The following DNAI3 variants were observed in gnomAD, a reference collection of about 807,000 sequenced individuals.
DNAI3 encodes dynein axonemal intermediate chain 3.
In DNAI3, 83 loss-of-function variants were observed where a neutral mutation model predicts 115.5. The ratio of observed to expected loss-of-function variants is 0.72; its 90% CI spans 0.60 to 0.86. DNAI3 has a LOEUF of 0.86. Among genes scored for constraint, DNAI3 ranks in the 40% least tolerant of loss-of-function variants. The pLI is 0.00. For synonymous variants in DNAI3, 320 were observed against 347.0 expected (o/e 0.92, Z 0.86); for missense variants, 1,004 against 1,075.8 (o/e 0.93, Z 0.93).
At chr1:85,098,321 A>T (rs1191378713) in intron 12 of DNAI3, among the ~76,000 whole-genome samples, 2 of 152,230 alleles carry the variant, frequency 1.3e-5, no homozygotes, top group Non-Finnish European at 2.9e-5. Context: ...ATACTTGTTA[A>T]GTTTAGAGAA....
At chr1:85,104,660 C>T in intron 14 of DNAI3, 63 bp downstream of exon 14, 2 of 1,350,552 alleles carry the variant, frequency 1.5e-6, no homozygotes, top group Non-Finnish European at 2.1e-6. Flanking sequence ...CTTCGATGCT[C>T]CTAAAATCAG....
intron 14 of DNAI3, 121 bp from the exon 15 acceptor site, chr1:85,107,912 G>T: frequency 1.5e-6 from 1 of 678,848 alleles, no homozygotes; most frequent in East Asian, 3.1e-5. Context: ...AAAAATCTTA[G>T]TTTCAGATAC....
intron 15 of DNAI3, 141 bp downstream of exon 15, chr1:85,108,318 A>T (rs1655551890): frequency 1.3e-5 from 12 of 918,736 alleles, no homozygotes; most frequent in Non-Finnish European, 1.8e-5. Context: ...TGTTTATTCA[A>T]CCAATAAATT....
intron 1 of DNAI3, among the ~76,000 whole-genome samples, chr1:85,071,395 A>G (rs1257560716): frequency 6.6e-6 from 1 of 152,232 alleles, no homozygotes; most frequent in Non-Finnish European, 1.5e-5. Context: ...TTTTGGAGGC[A>G]TTCTCTCTGA....
At position 85,098,644 on chromosome 1, in the gene DNAI3, T is replaced by C. The variant is rs529373514; in HGVS notation, c.1465T>C (p.Ser489Pro). ...AGTAATTACAGATATACACTGGTTGTCTGACACATTTGAGGTGAGACTTGA... is the reference window on the plus strand; with the variant it reads ...AGTAATTACAGATATACACTGGTTGCCTGACACATTTGAGGTGAGACTTGA... The part of the protein sequence containing the change: ...KKVITDIHWL[S>P]DTFEINRMGS... The change falls in exon 13 of 23, where the codon TCT becomes CCT. Residue 489 changes from serine to proline, a missense_variant. Ser to Pro is a moderately conservative substitution (Grantham distance 74, BLOSUM62 -1). Transcript: ENST00000294664. 12 of 1,613,000 alleles carry C rather than the reference T, an allele frequency of 7.4e-6. No homozygotes were observed. In the South Asian group the frequency reaches 1.2e-4, roughly 16 times the overall value.
In DNAI3 at chr1:85,126,718, A is replaced by G; in HGVS notation, c.2317+3A>G. ...CATCAAACCCTGGATCTTTTCTTGT[A>G]TGTTAATTCTAACTAAATAAGCTAA... is the stretch of plus-strand genomic sequence containing the variant. On this transcript the variant is annotated splice_donor_region_variant and intron_variant, in intron 20 of 22. Transcript: ENST00000294664. 1 of 1,614,058 alleles carries G rather than the reference A, an allele frequency of 6.2e-7. No homozygotes were observed. The highest frequency in any genetic ancestry group is 1.1e-5 in the South Asian group (1 of 91,068).
At chr1:85,072,980 A>G in intron 2 of DNAI3, 74 bp from the exon 3 acceptor site, 2 of 970,780 alleles carry the variant, frequency 2.1e-6, no homozygotes, top group Non-Finnish European at 1.5e-6. Context: ...AAAAAGAAGA[A>G]ATAAAAGATT....
chr1:85,103,653 G>A (rs959984469), intron 13 of DNAI3, among the ~76,000 whole-genome samples: 4 of 151,976 alleles, frequency 2.6e-5, no homozygotes, highest in Non-Finnish European at 4.4e-5. Context: ...TTCAGAGGCC[G>A]AGGTGGGTGG....
intron 13 of DNAI3, among the ~76,000 whole-genome samples, chr1:85,099,588 G>T (rs994862186): frequency 1.3e-5 from 2 of 152,094 alleles, no homozygotes; most frequent in African/African-American, 4.8e-5. Context: ...TCCCCATCAG[G>T]CTACCAATGA....
chr1:85,105,528 C>CAAAAAAA (rs755945527), intron 14 of DNAI3, among the ~76,000 whole-genome samples: 3 of 51,676 alleles, frequency 5.8e-5, no homozygotes, highest in Non-Finnish European at 1.1e-4. Flanking sequence ...AACTCTGTCT[C>CAAAAAAA]AAAAAAAAAA....
intron 17 of DNAI3, among the ~76,000 whole-genome samples, chr1:85,118,466 C>T (rs4475769): frequency 0.63 from 95,473 of 152,014 alleles, 31,370 homozygotes; most frequent in South Asian, 0.83. Context: ...AGAACTTTAT[C>T]TACAGTCATA....
intron 13 of DNAI3, among the ~76,000 whole-genome samples, chr1:85,099,755 T>G (rs1156406424): frequency 2.0e-5 from 3 of 152,306 alleles, no homozygotes; most frequent in African/African-American, 4.8e-5. Flanking sequence ...AACAGCATGG[T>G]ACTGGTGCCA....
chr1:85,092,185 G>A (rs543789663), intron 8 of DNAI3, among the ~76,000 whole-genome samples: 1 of 152,284 alleles, frequency 6.6e-6, no homozygotes, highest in South Asian at 2.1e-4. Flanking sequence ...CATGTTGGTG[G>A]TCACTGGATC....
intron 14 of DNAI3, among the ~76,000 whole-genome samples, chr1:85,107,043 A>G (rs1321849772): frequency 6.6e-6 from 1 of 152,230 alleles, no homozygotes; most frequent in East Asian, 1.9e-4. Context: ...ACAACTTTAT[A>G]CCCACTACAA....
intron 9 of DNAI3, chr1:85,093,951 G>T: frequency 1.9e-6 from 1 of 534,756 alleles, no homozygotes; most frequent in South Asian, 1.5e-5. Context: ...GCTTGGGCCT[G>T]TTGCTCTCCC....
chr1:85,101,588 C>T (rs1366895586), intron 13 of DNAI3, among the ~76,000 whole-genome samples: 1 of 151,582 alleles, frequency 6.6e-6, no homozygotes, highest in Non-Finnish European at 1.5e-5. Flanking sequence ...ATTAGCCGGG[C>T]GTGGTGGCGG....
intron 20 of DNAI3, among the ~76,000 whole-genome samples, chr1:85,127,003 C>G (rs562138003): frequency 5.9e-5 from 9 of 152,188 alleles, no homozygotes; most frequent in Non-Finnish European, 2.9e-5. Flanking sequence ...ACGTGTCAGG[C>G]AGAGGCTGGT....
chr1:85,074,616 T>C (rs977833497), intron 3 of DNAI3, among the ~76,000 whole-genome samples: 23 of 152,212 alleles, frequency 1.5e-4, no homozygotes, highest in African/African-American at 5.5e-4. Context: ...TTACCTTGTT[T>C]AATTGCTTTC....
At chr1:85,095,907 A>G in intron 10 of DNAI3, 24 bp from the exon 11 acceptor site, 1 of 1,600,392 alleles carries the variant, frequency 6.2e-7, no homozygotes, top group East Asian at 2.2e-5. Flanking sequence ...TCATTCTTTC[A>G]TGAATTTGCT....
Sources: gnomAD v4.1 joint callset for allele counts (sites outside exome capture counted in the v4.1 genomes callset) on GRCh38, gnomAD v4.1.1 for gene constraint, MANE v1.5 for transcripts, NCBI Gene and HGNC (gene_info 2026-07-23, HGNC 2026-07-21) for gene names.